Variants in FOXP2 observed in about 807,000 individuals in gnomAD.
FOXP2 encodes forkhead box protein P2.
FOXP2 carries 12 observed loss-of-function variants against 115.8 expected under a neutral mutation model. The ratio of observed to expected loss-of-function variants is 0.10; its 90% CI spans 0.07 to 0.17. FOXP2 has a LOEUF of 0.17. FOXP2 is among the 10% of genes least tolerant of loss of function. The pLI, the probability that FOXP2 is intolerant of heterozygous loss-of-function variation, is 1.00. For missense variants in FOXP2, 629 were observed against 843.5 expected (o/e 0.75, Z 3.15); for synonymous variants, 328 against 297.7 (o/e 1.10, Z -1.05).
chr7:114,681,602 T>C (rs1808084872), intron 16 of FOXP2, among the ~76,000 whole-genome samples: 2 of 152,184 alleles, frequency 1.3e-5, no homozygotes, highest in Admixed American at 1.3e-4. Flanking sequence ...CAATGATGGC[T>C]CCTCTACTTT....
At chr7:114,518,436 C>A (rs967869988) in intron 2 of FOXP2, among the ~76,000 whole-genome samples, 6 of 151,988 alleles carry the variant, frequency 3.9e-5, no homozygotes. Context: ...TATACAGATA[C>A]CACAGTGTAA....
At chr7:114,652,861 C>T (rs947247523) in intron 9 of FOXP2, among the ~76,000 whole-genome samples, 10 of 151,934 alleles carry the variant, frequency 6.6e-5, no homozygotes, top group Middle Eastern at 3.2e-3. Context: ...GTATCAAATG[C>T]GACTGTTTTA....
intron 2 of FOXP2, among the ~76,000 whole-genome samples, chr7:114,518,767 A>G (rs984849409): frequency 1.3e-5 from 2 of 152,126 alleles, no homozygotes; most frequent in African/African-American, 2.4e-5. Flanking sequence ...CGGCCTCCCA[A>G]AGTGCTGGGA....
At chr7:114,340,181 A>C (rs540996280) in intron 2 of FOXP2, among the ~76,000 whole-genome samples, 1 of 151,270 alleles carries the variant, frequency 6.6e-6, no homozygotes, top group Non-Finnish European at 1.5e-5. Flanking sequence ...ACCATGTGAT[A>C]GTGATTTCTT....
intron 2 of FOXP2, among the ~76,000 whole-genome samples, chr7:114,500,090 CT>C (rs1224925606): frequency 1.3e-5 from 2 of 151,582 alleles, no homozygotes; most frequent in Non-Finnish European, 2.9e-5. Flanking sequence ...TGGCGGGCGC[CT>C]TGTAGTCCCA....
At chr7:114,325,921 C>T (rs535023503) in intron 2 of FOXP2, among the ~76,000 whole-genome samples, 9 of 152,122 alleles carry the variant, frequency 5.9e-5, no homozygotes, top group African/African-American at 1.9e-4. Flanking sequence ...GTCTAGTTCT[C>T]ATGAAGACAC....
intron 16 of FOXP2, chr7:114,669,365 T>A (rs1585012192): frequency 6.6e-6 from 1 of 152,082 alleles, no homozygotes; most frequent in East Asian, 1.9e-4. Flanking sequence ...TACTTATTGA[T>A]TCAAAGCAAG....
intron 1 of FOXP2, among the ~76,000 whole-genome samples, chr7:114,144,276 A>G (rs1276223521): frequency 6.6e-6 from 1 of 152,192 alleles, no homozygotes; most frequent in African/African-American, 2.4e-5. Flanking sequence ...GGTTTATGGT[A>G]TATAGTTCAC....
At chr7:114,641,791 A>T (rs974448863) in intron 6 of FOXP2, among the ~76,000 whole-genome samples, 1 of 151,494 alleles carries the variant, frequency 6.6e-6, no homozygotes, top group Non-Finnish European at 1.5e-5. Flanking sequence ...TTATTTATTT[A>T]TTTATTTTTA....
At chr7:114,289,318 A>G (rs1323657477) in intron 2 of FOXP2, among the ~76,000 whole-genome samples, 2 of 151,922 alleles carry the variant, frequency 1.3e-5, no homozygotes, top group Non-Finnish European at 2.9e-5. Context: ...GTGGAGAAAC[A>G]AAGACAAGTA....
At chr7:114,319,984 C>A (rs1411904223) in intron 2 of FOXP2, among the ~76,000 whole-genome samples, 1 of 152,146 alleles carries the variant, frequency 6.6e-6, no homozygotes, top group East Asian at 1.9e-4. Context: ...CTCATTGTTT[C>A]CATCACTGAT....
chr7:114,330,990 G>A (rs2129182907), intron 2 of FOXP2, among the ~76,000 whole-genome samples: 1 of 152,236 alleles, frequency 6.6e-6, no homozygotes, highest in East Asian at 1.9e-4. Context: ...GTAGTTGAAG[G>A]AGACCTGTCT....
intron 1 of FOXP2, among the ~76,000 whole-genome samples, chr7:114,212,259 G>T (rs570439677): frequency 8.4e-4 from 127 of 151,820 alleles, no homozygotes; most frequent in African/African-American, 2.8e-3. Flanking sequence ...CGTCTGCTGT[G>T]TTTCTGCTAA....
intron 2 of FOXP2, among the ~76,000 whole-genome samples, chr7:114,475,179 A>G (rs1796204406): frequency 6.6e-6 from 1 of 152,116 alleles, no homozygotes; most frequent in African/African-American, 2.4e-5. Flanking sequence ...AAATTGATAT[A>G]TAGTTAAAAT....
At chr7:114,331,860 T>A (rs1348888073) in intron 2 of FOXP2, among the ~76,000 whole-genome samples, 6 of 152,022 alleles carry the variant, frequency 3.9e-5, no homozygotes, top group Non-Finnish European at 7.4e-5. Flanking sequence ...TTTGCCAGGA[T>A]GGTTTCAAAC....
intron 2 of FOXP2, among the ~76,000 whole-genome samples, chr7:114,524,038 G>T (rs1798748571): frequency 6.6e-6 from 1 of 152,022 alleles, no homozygotes; most frequent in Non-Finnish European, 1.5e-5. Context: ...AATTTAACTG[G>T]GAATCTTCTA....
intron 9 of FOXP2, chr7:114,653,214 T>C (rs1351537771): frequency 1.3e-5 from 2 of 153,726 alleles, no homozygotes; most frequent in African/African-American, 4.8e-5. Context: ...TTTAAAAAGC[T>C]TTTTATAAAC....
intron 1 of FOXP2, among the ~76,000 whole-genome samples, chr7:114,185,108 G>A (rs17136831): frequency 0.012 from 1,830 of 152,158 alleles, 45 homozygotes; most frequent in African/African-American, 0.041. Context: ...TCCCTACAAC[G>A]TATAGTGCTC....
chr7:114,584,650 A>G (rs192154131), intron 3 of FOXP2, among the ~76,000 whole-genome samples: 3 of 152,304 alleles, frequency 2.0e-5, no homozygotes, highest in Admixed American at 2.0e-4. Flanking sequence ...AAATAATTAA[A>G]TATTCACTCT....
Sources: allele counts gnomAD v4.1 joint callset (sites outside exome capture counted in the v4.1 genomes callset), GRCh38; gene constraint gnomAD v4.1.1; transcripts MANE v1.5; gene names NCBI Gene and HGNC (gene_info 2026-07-23, HGNC 2026-07-21).